The following CXCL16 variants were observed in gnomAD, a reference collection of about 807,000 sequenced individuals.
The protein encoded by CXCL16 is C-X-C motif chemokine ligand 16.
CXCL16 carries 18 observed loss-of-function variants against 23.8 expected under a neutral mutation model. The observed-to-expected ratio is 0.76, with a 90% CI of 0.52 to 1.12. The LOEUF (loss-of-function observed/expected upper bound fraction) is 1.12. Among genes scored for constraint, CXCL16 ranks in the 50% most tolerant of loss-of-function variants. The pLI is 0.00. For synonymous variants in CXCL16, 123 were observed against 132.5 expected, an observed-to-expected ratio of 0.93 and a Z score of 0.49; for missense variants, 297 against 315.4, an observed-to-expected ratio of 0.94 and a Z score of 0.44.
At chr17:4,735,917 T>C (rs1916145215) in intron 3 of CXCL16, among the ~76,000 whole-genome samples, 1 of 151,874 alleles carries the variant, frequency 6.6e-6, no homozygotes, top group African/African-American at 2.4e-5. Flanking sequence ...CTACTAAAAA[T>C]ACAAAATTAG....
chr17:4,734,748 A>G (rs1182907642), intron 4 of CXCL16, 96 bp from the exon 5 acceptor site: 5 of 1,071,960 alleles, frequency 4.7e-6, no homozygotes, highest in South Asian at 1.3e-5. Context: ...GAAGACATCA[A>G]CACTATGACC....
rs76152703 is a variant in CXCL16, at chr17:4,734,227, A to G, written c.*276T>C. 11,525 of 194,788 alleles carry G rather than the reference A, an allele frequency of 0.059. 469 individuals carry two copies. The highest frequency in any genetic ancestry group is 0.11 in the Middle Eastern group (49 of 428). 12.1% of individuals were successfully genotyped at this position (194,788 alleles called of 1,614,324 possible). A position where few individuals can be genotyped will look rare whatever the true frequency, so the allele number is the denominator to read the frequency against. ...TCTCAAAACAAAGCAAAGCAAAACA[A>G]AACAAAATACACATAGAATTTGTCC... On this transcript the variant is annotated 3_prime_UTR_variant, in exon 6 of 6. Coordinates refer to ENST00000293778, the MANE Select transcript of CXCL16 (RefSeq NM_001386809.1).
At position 4,735,263 on chromosome 17, in the gene CXCL16, G is replaced by A. The variant is rs1184421116; in HGVS notation, c.547C>T (p.Pro183Ser). 3.7e-6 allele frequency: 6 copies of A among 1,614,150 alleles called. No individual in the cohort carries two copies. In the South Asian group the frequency reaches 5.5e-5, roughly 15 times the overall value. The change falls in exon 4 of 6, where the codon CCT becomes TCT. Residue 183 changes from proline to serine, a missense_variant. Pro to Ser is a moderately conservative substitution (Grantham distance 74). Coordinates refer to ENST00000293778, the MANE Select transcript of CXCL16 (RefSeq NM_001386809.1). The part of the protein sequence containing the change: ...HTAGHSLAAG[P>S]EAGENQKQPE... ...TGCTTCTGGTTCTCCCCAGCCTCAG[G>A]CCCAGCTGCCAGACTGTGGCCCGCA...
At position 4,735,181 on chromosome 17, in the gene CXCL16, C is replaced by T; in HGVS notation, c.629G>A (p.Cys210Tyr). 1.9e-6 allele frequency: 3 copies of T among 1,614,154 alleles called. No individual in the cohort carries two copies. Among genetic ancestry groups the T allele is most frequent in the East Asian group, 4.5e-5 (2 of 44,884 alleles). ...GAGGATGAAGATGATGGCCAGGAGG[C>T]ACAGGACTGGCACTGTGGCTGATGT... ...ARTSATVPVL[C>Y]LLAIIFILTA... Residue 210 changes from cysteine to tyrosine, a missense_variant, in exon 4 of 6, where the codon TGC becomes TAC. Transcript: ENST00000293778.
At position 4,738,694 on chromosome 17, in the gene CXCL16, G is replaced by A; in HGVS notation, c.218+88C>T. ...AGATGGGGCTCGGTGAGCCGGGAAG[G>A]AGTTCAGGCTGGACCAGAGAGGGTC... On this transcript the variant is annotated intron_variant, in intron 2 of 5. Coordinates refer to ENST00000293778, the MANE Select transcript of CXCL16 (RefSeq NM_001386809.1). The surrounding 1 kb of genome is among the most constrained non-coding windows in gnomAD (Gnocchi z 4.0). 1 of 1,371,330 alleles carries A rather than the reference G, an allele frequency of 7.3e-7. No individual in the cohort carries two copies. The highest frequency in any genetic ancestry group is 2.2e-5 in the Admixed American group (1 of 45,206). The allele number at this position is 1,371,330 out of a possible 1,614,324, so 84.9% of individuals were successfully genotyped here.
At position 4,739,286 on chromosome 17, in the gene CXCL16, GAGCAGA is replaced by G. The variant is rs773725607; in HGVS notation, c.48_53del (p.Leu19_Leu20del). On this transcript the variant is annotated inframe_deletion, in exon 1 of 6. Transcript: ENST00000293778. The surrounding 1 kb of genome is among the most constrained non-coding windows in gnomAD (Gnocchi z 5.3). ...CTGGCTGAGTCAGGTACACCAGCAGGAGCAGAAGCAGGAGCAGGAGCACGCGGGACC... is the reference window on the plus strand; with the variant it reads ...CTGGCTGAGTCAGGTACACCAGCAGGAGCAGGAGCAGGAGCACGCGGGACC... 2 of 1,609,506 alleles carry G rather than the reference GAGCAGA, an allele frequency of 1.2e-6. No individual in the cohort carries two copies. The highest frequency in any genetic ancestry group is 1.7e-6 in the Non-Finnish European group (2 of 1,177,976).
Position 4,738,592 on chromosome 17 carries a change from C to G in CXCL16, c.219-102G>C. On this transcript the variant is annotated intron_variant, in intron 2 of 5. Coordinates refer to ENST00000293778, the MANE Select transcript of CXCL16 (RefSeq NM_001386809.1). The surrounding 1 kb of genome is among the most constrained non-coding windows in gnomAD (Gnocchi z 4.0). ...AGTTGCCACCAAGAAAGAGCCCTTT[C>G]TCCTGGGACTGGGAAACTCCCCAGT... 9.4e-7 allele frequency: 1 copy of G among 1,068,184 alleles called. No homozygotes were observed. The highest frequency in any genetic ancestry group is 1.4e-5 in the South Asian group (1 of 70,678). The allele number at this position is 1,068,184 out of a possible 1,614,324, so 66.2% of individuals were successfully genotyped here. A position where few individuals can be genotyped will look rare whatever the true frequency, so the allele number is the denominator to read the frequency against.
intron 3 of CXCL16, among the ~76,000 whole-genome samples, chr17:4,737,101 G>C (rs1324125552): frequency 6.6e-6 from 1 of 151,946 alleles, no homozygotes; most frequent in Non-Finnish European, 1.5e-5. Context: ...ACAGGAGTGA[G>C]CCACCGTCCT....
Position 4,738,194 on chromosome 17 carries a change from C to G in CXCL16, c.301+214G>C, listed in dbSNP as rs962563084. The stretch of plus-strand genomic sequence containing the variant: ...ATATTAATAAGTAGACAATAGCACA[C>G]GTGGTAGAATGAATTGGCAAAACTC... On this transcript the variant is annotated intron_variant, in intron 3 of 5. Transcript: ENST00000293778. This position sits in a 1 kb window ranked among gnomAD's most constrained non-coding sequence, Gnocchi z 4.0. Among the ~76,000 whole-genome samples, 1 of 152,040 alleles carries G rather than the reference C, an allele frequency of 6.6e-6. No homozygotes were observed. Among genetic ancestry groups the G allele is most frequent in the Non-Finnish European group, 1.5e-5 (1 of 68,012 alleles).
At position 4,734,342 on chromosome 17, in the gene CXCL16, C is replaced by G. The variant is rs982106990; in HGVS notation, c.*161G>C. On this transcript the variant is annotated 3_prime_UTR_variant, in exon 6 of 6. Coordinates refer to ENST00000293778, the MANE Select transcript of CXCL16 (RefSeq NM_001386809.1). ...AAGAGAGGGCAGTGGCTGGTTAGTC[C>G]TATGTTAGATATTAACAAATACGTG... 1.7e-4 allele frequency: 64 copies of G among 375,830 alleles called. No individual in the cohort carries two copies. The highest frequency in any genetic ancestry group is 1.2e-3 in the African/African-American group (59 of 48,250). 23.3% of individuals were successfully genotyped at this position (375,830 alleles called of 1,614,324 possible).
intron 3 of CXCL16, among the ~76,000 whole-genome samples, chr17:4,737,405 CCAT>C (rs1160820433): frequency 6.9e-6 from 1 of 145,966 alleles, no homozygotes; most frequent in Non-Finnish European, 1.5e-5. Context: ...CGGTGAAACC[CCAT>C]CTCTACTAAA....
rs779932194 is a variant in CXCL16, at chr17:4,735,168, G to GATTC, written c.641_642insGAAT (p.Ile214MetfsTer39). The GATTC allele has an allele frequency of 9.3e-6, 15 of 1,614,178 alleles. No individual in the cohort carries two copies. The highest frequency in any genetic ancestry group is 1.3e-5 in the Non-Finnish European group (15 of 1,180,038). On this transcript the variant is annotated frameshift_variant, in exon 4 of 6. Transcript: ENST00000293778. LOFTEE classifies it high-confidence loss of function. ...AAAGGGCTGCGGTGAGGATGAAGAT[G>GATTC]ATGGCCAGGAGGCACAGGACTGGCA... is the stretch of plus-strand genomic sequence containing the variant.
At position 4,738,709 on chromosome 17, in the gene CXCL16, C is replaced by T; in HGVS notation, c.218+73G>A. On this transcript the variant is annotated intron_variant, in intron 2 of 5. Transcript: ENST00000293778. This position sits in a 1 kb window ranked among gnomAD's most constrained non-coding sequence, Gnocchi z 4.0. Reference sequence around the variant, plus strand: ...AGCCGGGAAGGAGTTCAGGCTGGACCAGAGAGGGTCCTGGAGGCACCTGCA... The same window carrying T: ...AGCCGGGAAGGAGTTCAGGCTGGACTAGAGAGGGTCCTGGAGGCACCTGCA... The T allele has an allele frequency of 6.7e-7, 1 of 1,503,246 alleles. No homozygotes were observed. The allele number at this position is 1,503,246 out of a possible 1,614,324, so 93.1% of individuals were successfully genotyped here.
intron 3 of CXCL16, among the ~76,000 whole-genome samples, chr17:4,736,792 TG>T (rs1156650417): frequency 6.6e-6 from 1 of 152,212 alleles, no homozygotes; most frequent in African/African-American, 2.4e-5. Context: ...GCATCAAACT[TG>T]TGACTTCACA....
rs114702471 is a variant in CXCL16 at position 4,739,741 on chromosome 17, C to T, written c.-402G>A. The T allele has an allele frequency of 4.0e-3, 4,254 of 1,064,648 alleles. 85 individuals are homozygous for T. In the African/African-American group the frequency reaches 0.052, roughly 13 times the overall value. 66.0% of individuals were successfully genotyped at this position (1,064,648 alleles called of 1,614,324 possible). ...CGGTTCAGGAGGCCGCCCGCCTGGC[C>T]CGTCCGCCGACCTGTGAGGCGGCTG... On this transcript the variant is annotated 5_prime_UTR_variant, in exon 1 of 6. Coordinates refer to ENST00000293778, the MANE Select transcript of CXCL16 (RefSeq NM_001386809.1). The surrounding 1 kb of genome is among the most constrained non-coding windows in gnomAD (Gnocchi z 5.3).
In CXCL16 at chr17:4,735,397, G is replaced by A; in HGVS notation, c.413C>T (p.Ala138Val). 6.4e-7 allele frequency: 1 copy of A among 1,564,182 alleles called. No homozygotes were observed. Reference protein sequence around the residue: ...EGASSDIHTPAQMLLSTLQST... With the variant: ...EGASSDIHTPVQMLLSTLQST... ...CTGCAAGGTGGACAGGAGCATCTGG[G>A]CAGGGGTGTGGATATCTGAAGATGC... The change falls in exon 4 of 6, where the codon GCC (alanine) becomes GTC (valine). Residue 138 changes from alanine (A) to valine (V), a missense_variant. By Grantham distance (64) the Ala-to-Val change is moderately conservative. Coordinates refer to ENST00000293778, the MANE Select transcript of CXCL16 (RefSeq NM_001386809.1).
chr17:4,735,703 C>T (rs903469926), intron 3 of CXCL16, among the ~76,000 whole-genome samples, 195 bp from the exon 4 acceptor site: 1 of 98,908 alleles, frequency 1.0e-5, no homozygotes, highest in Admixed American at 1.2e-4. Context: ...GACATAGGAA[C>T]CTTCAGAAAC....
rs755652186 is a variant in CXCL16 at position 4,738,389 on chromosome 17, A to G, written c.301+19T>C. 3 of 1,600,590 alleles carry G rather than the reference A, an allele frequency of 1.9e-6. No individual in the cohort carries two copies. Among genetic ancestry groups the G allele is most frequent in the South Asian group, 2.2e-5 (2 of 90,802 alleles). Reference sequence around the variant, plus strand: ...TAAGCCCTGGAGGCAGAGCCTGAAGAGCAGTGGAAAAGTCTCACCTTTGAG... The same window carrying G: ...TAAGCCCTGGAGGCAGAGCCTGAAGGGCAGTGGAAAAGTCTCACCTTTGAG... On this transcript the variant is annotated intron_variant, in intron 3 of 5. Transcript: ENST00000293778. This position sits in a 1 kb window ranked among gnomAD's most constrained non-coding sequence, Gnocchi z 4.0.
rs1916121346 is a variant in CXCL16 at position 4,735,297 on chromosome 17, G to A, written c.513C>T (p.Thr171=). The change falls in exon 4 of 6, where the codon ACC becomes ACT. Residue 171 remains threonine, a synonymous_variant. Coordinates refer to ENST00000293778, the MANE Select transcript of CXCL16 (RefSeq NM_001386809.1). ...DKELTRPNET[T]IHTAGHSLAA... is the part of the protein sequence containing the mutation. ...CCAGACTGTGGCCCGCAGTGTGAAT[G>A]GTGGTTTCATTGGGACGAGTGAGCT... 2 of 1,614,132 alleles carry A rather than the reference G, an allele frequency of 1.2e-6. No homozygotes were observed. The highest frequency in any genetic ancestry group is 2.7e-5 in the African/African-American group (2 of 75,046).
Sources: allele counts gnomAD v4.1 joint callset (sites outside exome capture counted in the v4.1 genomes callset), GRCh38; gene constraint gnomAD v4.1.1; non-coding constraint Gnocchi (gnomAD v3.1); transcripts MANE v1.5; gene names NCBI Gene and HGNC (gene_info 2026-07-23, HGNC 2026-07-21).